Variants in TAT observed in about 807,000 individuals in gnomAD.
The protein encoded by TAT is L-tyrosine:2-oxoglutarate aminotransferase.
A neutral mutation model predicts 53.6 loss-of-function variants in TAT; 35 were observed. That is an observed-to-expected ratio of 0.65 (90% confidence interval 0.50 to 0.87). The LOEUF is 0.87. Ranked by LOEUF, TAT falls within the 40% of genes least tolerant of loss-of-function variation. The pLI, the probability that TAT is intolerant of heterozygous loss-of-function variation, is 0.00. For missense variants in TAT, 525 were observed against 571.8 expected, an observed-to-expected ratio of 0.92 and a Z score of 0.83; for synonymous variants, 197 against 206.5, an observed-to-expected ratio of 0.95 and a Z score of 0.39.
Position 71,570,346 on chromosome 16 carries a change from T to C in TAT, c.964A>G (p.Ile322Val), listed in dbSNP as rs1158118562. The C allele has an allele frequency of 3.1e-6, 5 of 1,614,066 alleles. No individual in the cohort carries two copies. The highest frequency in any genetic ancestry group is 1.7e-5 in the Admixed American group (1 of 60,008). ...ATGCTTTTCAGAGCTCCCTGGACAATGGTACAGGGTCCCAAAATGCGCTGA... is the reference window on the plus strand; with the variant it reads ...ATGCTTTTCAGAGCTCCCTGGACAACGGTACAGGGTCCCAAAATGCGCTGA... Reference protein sequence around the residue: ...LSQRILGPCTIVQGALKSILC... With the variant: ...LSQRILGPCTVVQGALKSILC... Residue 322 changes from isoleucine to valine, a missense_variant, in exon 9 of 12, where the codon ATT (isoleucine) becomes GTT (valine). Physicochemically the swap from Ile to Val is conservative, Grantham distance 29 (BLOSUM62 3). Transcript: ENST00000355962.
At position 71,576,297 on chromosome 16, in the gene TAT, C is replaced by T. The variant is rs775705036; in HGVS notation, c.119G>A (p.Arg40Lys). 37 of 1,614,112 alleles carry T rather than the reference C, an allele frequency of 2.3e-5. No individual in the cohort carries two copies. The Middle Eastern group carries it at 6.6e-4, about 29-fold the overall frequency. ...CATGTCTGAGGGCCTCACAGACCAC[C>T]TGGCCTTTCTGCCTTTCATTTTTCC... ...VPGKMKGRKA[R>K]WSVRPSDMAK... The change falls in exon 2 of 12, where the codon AGG becomes AAG. Residue 40 changes from arginine (R) to lysine (K), a missense_variant. Transcript: ENST00000355962.
chr16:71,571,488 C>T (rs1186435612), intron 7 of TAT, 118 bp downstream of exon 7: 2 of 945,844 alleles, frequency 2.1e-6, no homozygotes, highest in South Asian at 1.4e-5. Flanking sequence ...GTAAAAAGTG[C>T]AGGGATGCTG....
rs894991991 is a variant in TAT at position 71,567,733 on chromosome 16, A to T, written c.*411T>A. 3.4e-6 allele frequency: 1 copy of T among 291,062 alleles called. No individual in the cohort carries two copies. The highest frequency in any genetic ancestry group is 4.8e-5 in the Admixed American group (1 of 20,986). The allele number at this position is 291,062 out of a possible 1,614,324, so 18.0% of individuals were successfully genotyped here. ...TTGAGCTTCAGACCTGCCTGGAGAG[A>T]GCGTGTTCTTTCTTAGAGTCTGAGG... is the stretch of plus-strand genomic sequence containing the variant. On this transcript the variant is annotated 3_prime_UTR_variant, in exon 12 of 12. Transcript: ENST00000355962.
chr16:71,573,486 A>C (rs576815892), intron 4 of TAT, 53 bp downstream of exon 4: 1 of 1,464,774 alleles, frequency 6.8e-7, no homozygotes, highest in South Asian at 1.2e-5. Flanking sequence ...ACAAGTAAAA[A>C]GGGATAGTTT....
intron 3 of TAT, chr16:71,575,554 C>G (rs72797773): frequency 0.13 from 47,274 of 350,742 alleles, 4,494 homozygotes; most frequent in South Asian, 0.31. Context: ...GCTATATACA[C>G]AGAGCAATAA....
chr16:71,574,757 C>T (rs1318411279), intron 3 of TAT, among the ~76,000 whole-genome samples: 1 of 152,002 alleles, frequency 6.6e-6, no homozygotes, highest in Middle Eastern at 3.2e-3. Flanking sequence ...GAAGTATCAG[C>T]AGTTTCATGC....
intron 11 of TAT, 76 bp from the exon 12 acceptor site, chr16:71,568,360 G>T: frequency 6.8e-7 from 1 of 1,466,130 alleles, no homozygotes; most frequent in Non-Finnish European, 9.5e-7. Flanking sequence ...TCAGGACCCT[G>T]ATCCACAAGA....
Position 71,570,313 on chromosome 16 carries a change from G to A in TAT, c.997C>T (p.Arg333Cys), listed in dbSNP as rs528193761. ...VQGALKSILCRTPGEFYHNTL... is the reference protein window; with the variant it reads ...VQGALKSILCCTPGEFYHNTL... ...TTGTGGTAAAACTCTCCCGGGGTGC[G>A]ACATAGGATGCTTTTCAGAGCTCCC... is the stretch of plus-strand genomic sequence containing the variant. The change falls in exon 9 of 12, where the codon CGC (arginine) becomes TGC (cysteine). Residue 333 changes from arginine (R) to cysteine (C), a missense_variant. Physicochemically the swap from Arg to Cys is radical, Grantham distance 180. Transcript: ENST00000355962. 32 of 1,614,130 alleles carry A rather than the reference G, an allele frequency of 2.0e-5. No individual in the cohort carries two copies. The highest frequency in any genetic ancestry group is 1.4e-4 in the South Asian group (13 of 91,068).
At chr16:71,574,611 T>G (rs147905611) in intron 3 of TAT, among the ~76,000 whole-genome samples, 1 of 147,820 alleles carries the variant, frequency 6.8e-6, no homozygotes, top group Non-Finnish European at 1.5e-5. Context: ...AAAAAAGAAG[T>G]TGTAATCAGT....
chr16:71,566,830 AAC>A lies in TAT; in HGVS notation c.*1312_*1313del, dbSNP rs2044165972. ...TTAGAAATTCCCAAACGGAGAAAAA[AAC>A]ACATCACAGAAGAGCCATACTTGGT... On this transcript the variant is annotated 3_prime_UTR_variant, in exon 12 of 12. Coordinates refer to ENST00000355962, the MANE Select transcript of TAT (RefSeq NM_000353.3). 6.6e-6 allele frequency: 1 copy of A among 152,074 alleles called. No individual in the cohort carries two copies. The highest frequency in any genetic ancestry group is 2.1e-4 in the South Asian group (1 of 4,828). The allele number at this position is 152,074 out of a possible 1,614,324, so 9.4% of individuals were successfully genotyped here. A position where few individuals can be genotyped will look rare whatever the true frequency, so the allele number is the denominator to read the frequency against.
Position 71,570,586 on chromosome 16 carries a change from A to G in TAT, c.912+93T>C, listed in dbSNP as rs1184216311. 2.5e-6 allele frequency: 4 copies of G among 1,589,940 alleles called. No homozygotes were observed. In the African/African-American group the frequency reaches 5.4e-5, roughly 21 times the overall value. ...CACACATGCTGCTTGACTGACAAGG[A>G]GAAAGAAAAGAAAAAAGCCTCCCTT... is the stretch of plus-strand genomic sequence containing the variant. On this transcript the variant is annotated intron_variant, in intron 8 of 11. Transcript: ENST00000355962.
Position 71,567,915 on chromosome 16 carries a change from TAGTG to T in TAT, c.*225_*228del, listed in dbSNP as rs2044175152. Reference sequence around the variant, plus strand: ...ACGAGAGGGAGGCAGATTAATGAATTAGTGAGTCACTCTAGCAGCGCAGAGCAAG... The same window carrying T: ...ACGAGAGGGAGGCAGATTAATGAATTAGTCACTCTAGCAGCGCAGAGCAAG... On this transcript the variant is annotated 3_prime_UTR_variant, in exon 12 of 12. Coordinates refer to ENST00000355962, the MANE Select transcript of TAT (RefSeq NM_000353.3). 7 of 562,468 alleles carry T rather than the reference TAGTG, an allele frequency of 1.2e-5. No individual in the cohort carries two copies. Among genetic ancestry groups the T allele is most frequent in the Non-Finnish European group, 2.2e-5 (7 of 314,246 alleles). 34.8% of individuals were successfully genotyped at this position (562,468 alleles called of 1,614,324 possible).
At chr16:71,569,272 T>C (rs994815552) in intron 10 of TAT, among the ~76,000 whole-genome samples, 9 of 152,192 alleles carry the variant, frequency 5.9e-5, no homozygotes, top group African/African-American at 2.2e-4. Flanking sequence ...AAGCCTCTTA[T>C]TTGTGTTTTA....
rs936347459 is a variant in TAT at position 71,565,725 on chromosome 16, A to ACACACACACACACT, written c.*2418_*2419insAGTGTGTGTGTGTG. On this transcript the variant is annotated 3_prime_UTR_variant, in exon 12 of 12. Coordinates refer to ENST00000355962, the MANE Select transcript of TAT (RefSeq NM_000353.3). Reference sequence around the variant, plus strand: ...TGCACACACACACACACACACACACACTTACATAGGCACAGTATAATCTGG... The same window carrying ACACACACACACACT: ...TGCACACACACACACACACACACACACACACACACACACTCTTACATAGGCACAGTATAATCTGG... 1.1e-4 allele frequency: 17 copies of ACACACACACACACT among 151,902 alleles called. No homozygotes were observed. The highest frequency in any genetic ancestry group is 4.1e-4 in the African/African-American group (17 of 41,290). 9.4% of individuals were successfully genotyped at this position (151,902 alleles called of 1,614,324 possible). A position where few individuals can be genotyped will look rare whatever the true frequency, so the allele number is the denominator to read the frequency against.
intron 9 of TAT, 43 bp downstream of exon 9, chr16:71,570,226 T>C: frequency 6.2e-7 from 1 of 1,614,020 alleles, no homozygotes; most frequent in Non-Finnish European, 8.5e-7. Flanking sequence ...CGGCATTCTC[T>C]GACTCCCAAA....
rs1597055560 is a variant in TAT, at chr16:71,575,486, C to T, written c.340+436G>A. ...GGTAACAATTGCATTTCAATGTGCT[C>T]AGGACCATAATGAAAATAGGCCTTC... On this transcript the variant is annotated intron_variant, in intron 3 of 11. Transcript: ENST00000355962. 1.2e-5 allele frequency: 3 copies of T among 252,658 alleles called. No individual in the cohort carries two copies. In the East Asian group the frequency reaches 2.8e-4, roughly 24 times the overall value. The allele number at this position is 252,658 out of a possible 1,614,324, so 15.7% of individuals were successfully genotyped here.
At position 71,570,252 on chromosome 16, in the gene TAT, G is replaced by A. The variant is rs751533369; in HGVS notation, c.1041+17C>T. On this transcript the variant is annotated intron_variant, in intron 9 of 11. Coordinates refer to ENST00000355962, the MANE Select transcript of TAT (RefSeq NM_000353.3). ...GACTCCCAAACTCCCAAAGTGGAGG[G>A]CAGGAGCTGCCCTTACCTTGAGGAA... The A allele has an allele frequency of 3.0e-5, 48 of 1,614,154 alleles. 1 individual carries two copies. In the Middle Eastern group the frequency reaches 6.6e-4, roughly 22 times the overall value.
chr16:71,576,088 G>C (rs1221459498), intron 2 of TAT, 62 bp from the exon 3 acceptor site: 5 of 1,608,736 alleles, frequency 3.1e-6, no homozygotes, highest in Admixed American at 1.7e-5. Flanking sequence ...TCAGTACTCA[G>C]ACTCACCCCC....
chr16:71,569,985 G>A lies in TAT; in HGVS notation c.1042-48C>T, dbSNP rs200323766. ...ATCAAGGATCAAAATTTAAGTAAAA[G>A]AAAAGCCAAGTCATTAAAAATAGCC... is the stretch of plus-strand genomic sequence containing the variant. On this transcript the variant is annotated intron_variant, in intron 9 of 11. Coordinates refer to ENST00000355962, the MANE Select transcript of TAT (RefSeq NM_000353.3). The A allele has an allele frequency of 8.3e-6, 13 of 1,559,104 alleles. No homozygotes were observed. The East Asian group carries it at 2.3e-4, about 28-fold the overall frequency.
Sources: allele counts gnomAD v4.1 joint callset (sites outside exome capture counted in the v4.1 genomes callset), GRCh38; gene constraint gnomAD v4.1.1; transcripts MANE v1.5; gene names NCBI Gene and HGNC (gene_info 2026-07-23, HGNC 2026-07-21).